MICAL2: variants seen among roughly 807,000 people sequenced by gnomAD.
The protein encoded by MICAL2 is microtubule associated monooxygenase, calponin and LIM domain containing 2, also known as [F-actin]-monooxygenase MICAL2.
Under a neutral mutation model 127.3 loss-of-function variants are expected in MICAL2, and 77 were observed. That is an observed-to-expected ratio of 0.60 (90% CI 0.50 to 0.73). The LOEUF is 0.73. MICAL2 is among the 30% of genes least tolerant of loss of function. The probability of loss-of-function intolerance (pLI) is 0.00; values close to 1 mark genes in which losing one functional copy is unlikely to be tolerated. For missense variants in MICAL2, 1,351 were observed against 1,434.4 expected, an observed-to-expected ratio of 0.94 and a Z score of 0.94; for synonymous variants, 570 against 551.1, an observed-to-expected ratio of 1.03 and a Z score of -0.48.
chr11:12,258,548 CAA>C lies in MICAL2; in HGVS notation c.3225_3226del (p.Glu1077GlyfsTer76). ...QRKRRAELKQ[Q>X]REEEATWQEQ... ...GAAGAGACGGGCAGAGTTGAAGCAA[CAA>C]AGAGAGGTATGTTTGTCTCAAACAT... On this transcript the variant is annotated frameshift_variant, in exon 25 of 28. Transcript: ENST00000683283. LOFTEE classifies it high-confidence loss of function. 1 of 1,613,350 alleles carries C rather than the reference CAA, an allele frequency of 6.2e-7. No homozygotes were observed. Among genetic ancestry groups the C allele is most frequent in the Non-Finnish European group, 8.5e-7 (1 of 1,179,576 alleles).
intron 1 of MICAL2, among the ~76,000 whole-genome samples, chr11:12,127,234 C>T (rs1309430529): frequency 6.6e-6 from 1 of 152,164 alleles, no homozygotes; most frequent in Admixed American, 6.5e-5. Flanking sequence ...TCTCTAGCCT[C>T]CAGCCTCCTG....
intron 15 of MICAL2, among the ~76,000 whole-genome samples, chr11:12,232,421 A>T (rs1038375551): frequency 6.6e-6 from 1 of 152,174 alleles, no homozygotes; most frequent in Non-Finnish European, 1.5e-5. Flanking sequence ...TAGAACTCAG[A>T]TGTTTAAAAT....
chr11:12,215,915 G>A (rs1856088676), intron 7 of MICAL2, among the ~76,000 whole-genome samples: 1 of 152,196 alleles, frequency 6.6e-6, no homozygotes, highest in South Asian at 2.1e-4. Flanking sequence ...CTGTGGCCAT[G>A]GCCGGCACTT....
At chr11:12,236,975 T>A (rs924980453) in intron 16 of MICAL2, among the ~76,000 whole-genome samples, 3 of 152,238 alleles carry the variant, frequency 2.0e-5, no homozygotes, top group African/African-American at 7.2e-5. Context: ...ACGGTCTGTA[T>A]AATACATTGA....
chr11:12,265,969 G>A (rs549444960), downstream of MICAL2, among the ~76,000 whole-genome samples: 5 of 152,056 alleles, frequency 3.3e-5, no homozygotes, highest in Admixed American at 6.6e-5. Flanking sequence ...AAAATTAGCT[G>A]GGCACGGTGG....
chr11:12,293,745 A>G, downstream of MICAL2: 2 of 1,613,610 alleles, frequency 1.2e-6, no homozygotes, highest in Admixed American at 1.7e-5. Flanking sequence ...GGCCTCTCAG[A>G]CCCTGCAGAG....
chr11:12,285,201 GA>G (rs2134771441), intron 2 of MICAL2, among the ~76,000 whole-genome samples: 1 of 152,278 alleles, frequency 6.6e-6, no homozygotes, highest in South Asian at 2.1e-4. Context: ...TAAAAGACCA[GA>G]TGAGCCAGTT....
intron 32 of MICAL2, among the ~76,000 whole-genome samples, chr11:12,328,193 G>A (rs1413219739): frequency 6.6e-6 from 1 of 152,178 alleles, no homozygotes; most frequent in Non-Finnish European, 1.5e-5. Flanking sequence ...TTAAAACACT[G>A]GGTCTGTAAC....
intron 31 of MICAL2, among the ~76,000 whole-genome samples, chr11:12,326,879 C>T (rs1043869564): frequency 2.0e-5 from 3 of 152,214 alleles, no homozygotes; most frequent in African/African-American, 7.2e-5. Context: ...CCTCACCCAA[C>T]AGCCTCTGTC....
At chr11:12,349,923 G>T (rs189290736) in exon 33 of MICAL2, 1 of 1,613,756 alleles carries the variant, frequency 6.2e-7, no homozygotes, top group Non-Finnish European at 8.5e-7. Context: ...GATATGAGTC[G>T]GAGCTCCTAA....
chr11:12,294,924 G>A (rs369683984), downstream of MICAL2: 25 of 1,379,090 alleles, frequency 1.8e-5, no homozygotes, highest in South Asian at 5.7e-5. Context: ...TCATTGCATC[G>A]ACAAGCAGGC....
chr11:12,338,745 T>C lies in MICAL2; in HGVS notation c.5516-11093T>C, dbSNP rs1275002047. Among the ~76,000 whole-genome samples the C allele has an allele frequency of 2.0e-5, 3 of 152,360 alleles. No individual in the cohort carries two copies. In the East Asian group the frequency reaches 5.8e-4, roughly 29 times the overall value. ...GTTTGGCTGGATATGAAATTCTGGG[T>C]TGAAAATTCTTTTCTTTAAGAATGT... is the stretch of plus-strand genomic sequence containing the variant. On this transcript the variant is annotated intron_variant, in intron 32 of 34. Transcript: ENST00000646065.
At chr11:12,122,936 C>T (rs1033074972) in intron 1 of MICAL2, among the ~76,000 whole-genome samples, 4 of 152,188 alleles carry the variant, frequency 2.6e-5, no homozygotes, top group East Asian at 3.8e-4. Context: ...TGAACTCCTC[C>T]TTCCTGATGG....
intron 3 of MICAL2, among the ~76,000 whole-genome samples, chr11:12,170,791 A>C (rs530553221): frequency 6.6e-6 from 1 of 152,066 alleles, no homozygotes; most frequent in East Asian, 1.9e-4. Flanking sequence ...TCCTATTGCT[A>C]TCTTGCTGAT....
chr11:12,312,666 A>G (rs1423777945), intron 29 of MICAL2, among the ~76,000 whole-genome samples: 1 of 152,220 alleles, frequency 6.6e-6, no homozygotes, highest in Non-Finnish European at 1.5e-5. Context: ...ATCCAAAGAT[A>G]GAGGGAAACT....
downstream of MICAL2, among the ~76,000 whole-genome samples, chr11:12,267,539 C>A (rs1023160578): frequency 6.6e-6 from 1 of 152,160 alleles, no homozygotes; most frequent in South Asian, 2.1e-4. Flanking sequence ...ATTGCAGCCA[C>A]CCCTCTGAGG....
chr11:12,119,291 A>T (rs897650936), intron 1 of MICAL2, among the ~76,000 whole-genome samples: 1 of 152,168 alleles, frequency 6.6e-6, no homozygotes, highest in African/African-American at 2.4e-5. Context: ...CTGAAACTTC[A>T]TCTACGGCAT....
In MICAL2 at chr11:12,124,243, A is replaced by G. The variant is rs138556012; in HGVS notation, c.-149+13517A>G. ...TCCACAGCGTCACCCAAGTCATGAT[A>G]AATGCTTATCGAAGGGACCCCTCTG... On this transcript the variant is annotated intron_variant, in intron 1 of 27. Transcript: ENST00000683283. 2.8e-4 allele frequency among the ~76,000 whole-genome samples: 42 copies of G among 152,142 alleles called. 1 individual carries two copies. Among genetic ancestry groups the G allele is most frequent in the East Asian group, 2.5e-3 (13 of 5,170 alleles).
At chr11:12,351,801 T>C (rs1278584535) in intron 33 of MICAL2, among the ~76,000 whole-genome samples, 2 of 151,858 alleles carry the variant, frequency 1.3e-5, no homozygotes, top group African/African-American at 4.8e-5. Flanking sequence ...TTTTTTTTTT[T>C]TTTCTTTGAG....
Sources: allele counts gnomAD v4.1 joint callset (sites outside exome capture counted in the v4.1 genomes callset), GRCh38; gene constraint gnomAD v4.1.1; transcripts MANE v1.5; gene names NCBI Gene and HGNC (gene_info 2026-07-23, HGNC 2026-07-21).